The following DYTN variants were observed in gnomAD, a reference collection of about 807,000 sequenced individuals.
DYTN encodes dystrotelin.
In DYTN, 75 loss-of-function variants were observed where a neutral mutation model predicts 69.6. That is an observed-to-expected ratio of 1.08 (90% CI 0.89 to 1.31). The LOEUF (loss-of-function observed/expected upper bound fraction) is 1.31. DYTN is among the 50% of genes most tolerant of loss of function. The pLI, the probability that DYTN is intolerant of heterozygous loss-of-function variation, is 0.00. For missense variants in DYTN, 726 were observed against 688.4 expected (o/e 1.05, Z -0.61); for synonymous variants, 252 against 249.1 (o/e 1.01, Z -0.11).
At chr2:206,673,465 C>T (rs184641268) in intron 9 of DYTN, among the ~76,000 whole-genome samples, 323 of 152,206 alleles carry the variant, frequency 2.1e-3, no homozygotes, top group Middle Eastern at 0.01. Flanking sequence ...ACCACATTGG[C>T]CAGGCTGGTC....
At chr2:206,653,095 C>T (rs1699406547) in intron 11 of DYTN, among the ~76,000 whole-genome samples, 1 of 152,136 alleles carries the variant, frequency 6.6e-6, no homozygotes, top group South Asian at 2.1e-4. Flanking sequence ...TCCCACTTAT[C>T]ACTCCAATAC....
chr2:206,670,912 C>T (rs922964742), intron 9 of DYTN, among the ~76,000 whole-genome samples: 4 of 152,208 alleles, frequency 2.6e-5, no homozygotes, highest in Non-Finnish European at 5.9e-5. Flanking sequence ...AAGTCTCTTA[C>T]TTCTACCATA....
intron 9 of DYTN, among the ~76,000 whole-genome samples, chr2:206,671,590 T>G (rs1699630289): frequency 6.6e-6 from 1 of 152,364 alleles, no homozygotes; most frequent in East Asian, 1.9e-4. Context: ...TGTTTACCTC[T>G]ATTCAGTCTC....
At chr2:206,710,821 C>T (rs574381525) in intron 1 of DYTN, among the ~76,000 whole-genome samples, 37 of 152,124 alleles carry the variant, frequency 2.4e-4, no homozygotes, top group Admixed American at 3.9e-4. Context: ...CAAAAAGTGA[C>T]GGAATACTCC....
Position 206,699,721 on chromosome 2 carries a change from C to T in DYTN, c.719+6G>A, listed in dbSNP as rs1699955876. On this transcript the variant is annotated splice_donor_region_variant and intron_variant, in intron 7 of 11. Coordinates refer to ENST00000452335, the MANE Select transcript of DYTN (RefSeq NM_001093730.1). ...ATAATCCAAGAAATGCTGCTGATGA[C>T]TGTACCTGAGTCCCGTGATTGGGAA... 6.2e-7 allele frequency: 1 copy of T among 1,611,170 alleles called. No individual in the cohort carries two copies.
intron 9 of DYTN, among the ~76,000 whole-genome samples, chr2:206,672,332 A>C (rs1299860710): frequency 6.6e-6 from 1 of 152,258 alleles, no homozygotes; most frequent in South Asian, 2.1e-4. Flanking sequence ...ATAAAGGAAC[A>C]AAACAGCTCT....
intron 4 of DYTN, 126 bp downstream of exon 4, chr2:206,705,662 A>C: frequency 1.4e-6 from 1 of 736,320 alleles, no homozygotes; most frequent in Admixed American, 3.3e-5. Flanking sequence ...AAATATTTTT[A>C]TTTAATAAAC....
intron 9 of DYTN, chr2:206,679,273 C>T (rs944032693): frequency 2.0e-5 from 3 of 152,172 alleles, no homozygotes; most frequent in African/African-American, 7.2e-5. Flanking sequence ...GAAGGTTTTA[C>T]TCACCCACCC....
At chr2:206,677,484 G>A (rs2105892637) in intron 9 of DYTN, among the ~76,000 whole-genome samples, 1 of 152,122 alleles carries the variant, frequency 6.6e-6, no homozygotes, top group East Asian at 1.9e-4. Context: ...AATTAAAAAG[G>A]AAAGGATTTA....
intron 5 of DYTN, among the ~76,000 whole-genome samples, chr2:206,701,958 A>G (rs886533705): frequency 1.3e-5 from 2 of 152,202 alleles, no homozygotes; most frequent in Non-Finnish European, 2.9e-5. Flanking sequence ...GCCAAGAGTA[A>G]TTGAGATTTG....
At chr2:206,704,977 A>T (rs1173259766) in intron 4 of DYTN, 34 bp from the exon 5 acceptor site, 4 of 1,538,630 alleles carry the variant, frequency 2.6e-6, no homozygotes, top group Non-Finnish European at 3.6e-6. Context: ...TTTAAATTGA[A>T]TACTTGCAAT....
In DYTN at chr2:206,663,116, G is replaced by T. The variant is rs2115591; in HGVS notation, c.1420C>A (p.Gln474Lys). Residue 474 changes from glutamine (Q) to lysine (K), a missense_variant, in exon 11 of 12, where the codon CAG becomes AAG. Gln to Lys is a moderately conservative substitution (Grantham distance 53). Coordinates refer to ENST00000452335, the MANE Select transcript of DYTN (RefSeq NM_001093730.1). ...RAQSQTQKMP[Q>K]KVISALPSYQ... is the part of the protein sequence containing the mutation. The stretch of plus-strand genomic sequence containing the variant: ...CTGGGTAGGGCACTAATGACTTTCT[G>T]TGGCATCTTTTGTGTTTGGCTTTGT... The T allele has an allele frequency of 0.37, 591,853 of 1,613,482 alleles. 112,811 individuals carry two copies. The highest frequency in any genetic ancestry group is 0.61 in the African/African-American group (45,466 of 74,892).
chr2:206,706,209 A>G (rs1397889453), intron 3 of DYTN, among the ~76,000 whole-genome samples: 1 of 152,136 alleles, frequency 6.6e-6, no homozygotes, highest in East Asian at 1.9e-4. Context: ...TTGCCTGGAA[A>G]CCAAGCAACA....
intron 9 of DYTN, among the ~76,000 whole-genome samples, chr2:206,686,102 A>C (rs1699802782): frequency 6.6e-6 from 1 of 151,856 alleles, no homozygotes; most frequent in Admixed American, 6.6e-5. Context: ...TGCTGTGGGG[A>C]GTGCTCAGCT....
intron 9 of DYTN, among the ~76,000 whole-genome samples, chr2:206,682,769 C>T (rs914487258): frequency 2.0e-5 from 3 of 152,042 alleles, no homozygotes; most frequent in African/African-American, 7.3e-5. Context: ...TTTAATGTGT[C>T]CCAAACTAGA....
intron 2 of DYTN, among the ~76,000 whole-genome samples, chr2:206,707,893 G>T (rs996517355): frequency 5.9e-5 from 9 of 152,202 alleles, no homozygotes; most frequent in African/African-American, 2.2e-4. Flanking sequence ...TAAGTGGATT[G>T]AATAAATTTA....
chr2:206,666,212 G>A (rs902679104), intron 9 of DYTN, among the ~76,000 whole-genome samples, 183 bp from the exon 10 acceptor site: 8 of 152,014 alleles, frequency 5.3e-5, no homozygotes, highest in Non-Finnish European at 7.4e-5. Context: ...ATGCAGTGGC[G>A]CGATCTTGGT....
At chr2:206,665,132 G>C (rs189467605) in intron 10 of DYTN, among the ~76,000 whole-genome samples, 26 of 152,288 alleles carry the variant, frequency 1.7e-4, no homozygotes, top group African/African-American at 5.8e-4. Flanking sequence ...GATTTCTTCA[G>C]ATACTTCAAC....
chr2:206,717,308 G>A (rs1700139135), intron 1 of DYTN, among the ~76,000 whole-genome samples: 1 of 152,106 alleles, frequency 6.6e-6, no homozygotes, highest in Non-Finnish European at 1.5e-5. Flanking sequence ...TCTTTCAAAT[G>A]TCCATCATCT....
Sources: allele counts gnomAD v4.1 joint callset (sites outside exome capture counted in the v4.1 genomes callset), GRCh38; gene constraint gnomAD v4.1.1; transcripts MANE v1.5; gene names NCBI Gene and HGNC (gene_info 2026-07-23, HGNC 2026-07-21).